Variants in BAZ1B observed in about 807,000 individuals in gnomAD.
The protein encoded by BAZ1B is bromodomain adjacent to zinc finger domain 1B.
A neutral mutation model predicts 153.8 loss-of-function variants in BAZ1B; 22 were observed. That is an observed-to-expected ratio of 0.14 (90% CI 0.10 to 0.20). The LOEUF (loss-of-function observed/expected upper bound fraction) is 0.20. BAZ1B is among the 10% of genes least tolerant of loss of function. The pLI, the probability that BAZ1B is intolerant of heterozygous loss-of-function variation, is 1.00. For synonymous variants in BAZ1B, 676 were observed against 633.4 expected (o/e 1.07, Z -1.01); for missense variants, 1,325 against 1,799.3 (o/e 0.74, Z 4.77).
At chr7:73,443,390 T>C (rs1413726214) in intron 17 of BAZ1B, among the ~76,000 whole-genome samples, 1 of 151,856 alleles carries the variant, frequency 6.6e-6, no homozygotes, top group Non-Finnish European at 1.5e-5. Context: ...TAACAAAAGC[T>C]GTGATTCACA....
intron 1 of BAZ1B, among the ~76,000 whole-genome samples, chr7:73,520,591 A>T (rs1312270540): frequency 6.6e-6 from 1 of 152,126 alleles, no homozygotes; most frequent in African/African-American, 2.4e-5. Context: ...AAGATGCTAC[A>T]GCTCTATTTC....
chr7:73,515,154 T>C (rs1790746505), intron 1 of BAZ1B, among the ~76,000 whole-genome samples: 1 of 152,234 alleles, frequency 6.6e-6, no homozygotes. Flanking sequence ...CAGTCCTCTA[T>C]TATTCGTCTA....
intron 16 of BAZ1B, 37 bp from the exon 17 acceptor site, chr7:73,444,166 G>C (rs782555851): frequency 6.4e-7 from 1 of 1,551,048 alleles, no homozygotes; most frequent in South Asian, 1.2e-5. Flanking sequence ...GAGAACAACG[G>C]AAGGTGAAGG....
chr7:73,513,981 CT>C (rs1279649141), intron 1 of BAZ1B, among the ~76,000 whole-genome samples: 1 of 152,100 alleles, frequency 6.6e-6, no homozygotes, highest in African/African-American at 2.4e-5. Flanking sequence ...TTGAGGATCC[CT>C]TATCCAAAAT....
At chr7:73,521,766 C>G (rs916408925) in intron 1 of BAZ1B, 61 bp downstream of exon 1, 74 of 1,380,354 alleles carry the variant, frequency 5.4e-5, no homozygotes, top group Non-Finnish European at 6.7e-5. Context: ...GTCTCGCGAG[C>G]CCCAGGCCCT....
chr7:73,513,907 T>C (rs1054462301), intron 1 of BAZ1B, among the ~76,000 whole-genome samples: 2 of 151,838 alleles, frequency 1.3e-5, no homozygotes, highest in African/African-American at 2.4e-5. Flanking sequence ...TCAGAGAGAA[T>C]GTAAGAGAAA....
chr7:73,472,106 CAG>C (rs1174401521), intron 7 of BAZ1B, among the ~76,000 whole-genome samples: 1 of 152,196 alleles, frequency 6.6e-6, no homozygotes, highest in Non-Finnish European at 1.5e-5. Context: ...ATACAAATAA[CAG>C]AGTATCATCT....
rs782509613 is a variant in BAZ1B, at chr7:73,443,973, A to G, written c.3990+11T>C. 1.9e-6 allele frequency: 3 copies of G among 1,613,166 alleles called. No homozygotes were observed. In the South Asian group the frequency reaches 3.3e-5, roughly 18 times the overall value. On this transcript the variant is annotated intron_variant, in intron 17 of 19. Coordinates refer to ENST00000339594, the MANE Select transcript of BAZ1B (RefSeq NM_032408.4). The stretch of plus-strand genomic sequence containing the variant: ...AGAAAGGTTAGAGAAGGGATGATAA[A>G]TAATTCTCACCAGCTCATCCACCTC...
intron 18 of BAZ1B, 66 bp from the exon 19 acceptor site, chr7:73,442,619 C>A: frequency 6.4e-7 from 1 of 1,555,344 alleles, no homozygotes; most frequent in Admixed American, 1.9e-5. Context: ...CACTGAGACA[C>A]GTCCTGAAAA....
chr7:73,466,884 A>C (rs1554571252), intron 9 of BAZ1B, among the ~76,000 whole-genome samples: 1 of 152,154 alleles, frequency 6.6e-6, no homozygotes, highest in East Asian at 1.9e-4. Context: ...TCTTGAGCCA[A>C]TTTATCAAAG....
intron 12 of BAZ1B, among the ~76,000 whole-genome samples, chr7:73,461,833 T>C (rs1371753288): frequency 6.6e-6 from 1 of 152,208 alleles, no homozygotes; most frequent in Admixed American, 6.5e-5. Flanking sequence ...CTCATGCCTA[T>C]AATCCTAGCA....
At chr7:73,502,852 TCTC>T (rs1450401258) in intron 3 of BAZ1B, among the ~76,000 whole-genome samples, 1 of 152,134 alleles carries the variant, frequency 6.6e-6, no homozygotes, top group Non-Finnish European at 1.5e-5. Context: ...AACTCTCTCC[TCTC>T]CTCCTGACAG....
chr7:73,446,669 G>A (rs1787849579), intron 16 of BAZ1B, among the ~76,000 whole-genome samples: 1 of 152,006 alleles, frequency 6.6e-6, no homozygotes, highest in African/African-American at 2.4e-5. Context: ...AAATGAACAT[G>A]AGAGAATGAG....
At position 73,477,857 on chromosome 7, in the gene BAZ1B, C is replaced by A. The variant is rs1554573093; in HGVS notation, c.1604G>T (p.Trp535Leu). Residue 535 changes from tryptophan to leucine, a missense_variant, in exon 7 of 20, where the codon TGG becomes TTG. Trp to Leu is a moderately conservative substitution (Grantham distance 61). Coordinates refer to ENST00000339594, the MANE Select transcript of BAZ1B (RefSeq NM_032408.4). The surrounding 1 kb of genome is among the most constrained non-coding windows in gnomAD (Gnocchi z 5.6). ...CCGTTGTTCTTCAGACATAGAAGCC[C>A]ACCTCTTTTTGTGCTCTAGAAGTTC... ...RYELLEHKKR[W>L]ASMSEEQRKE... 1 of 1,613,786 alleles carries A rather than the reference C, an allele frequency of 6.2e-7. No individual in the cohort carries two copies. Among genetic ancestry groups the A allele is most frequent in the East Asian group, 2.2e-5 (1 of 44,902 alleles).
At chr7:73,500,715 A>C (rs1166011235) in intron 3 of BAZ1B, among the ~76,000 whole-genome samples, 1 of 148,684 alleles carries the variant, frequency 6.7e-6, no homozygotes, top group Non-Finnish European at 1.5e-5. Flanking sequence ...ACATGGTGAA[A>C]CTTCGTCTCT....
chr7:73,492,744 T>C, intron 5 of BAZ1B, 56 bp downstream of exon 5: 1 of 1,495,306 alleles, frequency 6.7e-7, no homozygotes, highest in Non-Finnish European at 9.0e-7. Context: ...AAAGCAACCC[T>C]ATGATATTTT....
At chr7:73,511,085 G>A (rs1236532982) in intron 1 of BAZ1B, among the ~76,000 whole-genome samples, 5 of 152,014 alleles carry the variant, frequency 3.3e-5, no homozygotes, top group African/African-American at 4.8e-5. Flanking sequence ...TGGCTAACAC[G>A]GTGAAACCCC....
chr7:73,519,978 T>C (rs1554579862), intron 1 of BAZ1B, among the ~76,000 whole-genome samples: 1 of 152,072 alleles, frequency 6.6e-6, no homozygotes, highest in South Asian at 2.1e-4. Flanking sequence ...GAGGCCGAGA[T>C]GGGCGGATCA....
intron 3 of BAZ1B, among the ~76,000 whole-genome samples, chr7:73,506,940 A>G (rs1396722080): frequency 2.4e-5 from 3 of 126,334 alleles, no homozygotes; most frequent in East Asian, 2.6e-4. Flanking sequence ...GTGCAGTGGC[A>G]CGATCTCGGC....
Sources: gnomAD v4.1 joint callset for allele counts (sites outside exome capture counted in the v4.1 genomes callset) on GRCh38, gnomAD v4.1.1 for gene constraint, Gnocchi (gnomAD v3.1) non-coding constraint, MANE v1.5 for transcripts, NCBI Gene and HGNC (gene_info 2026-07-23, HGNC 2026-07-21) for gene names.